The following MLLT10 variants were observed in gnomAD, a reference collection of about 807,000 sequenced individuals.
MLLT10 encodes the protein MLLT10 histone lysine methyltransferase DOT1L cofactor.
Under a neutral mutation model 129.1 loss-of-function variants are expected in MLLT10, and 30 were observed. That is an observed-to-expected ratio of 0.23 (90% CI 0.17 to 0.32). The LOEUF is 0.32. MLLT10 is among the 10% of genes least tolerant of loss of function. The pLI, the probability that MLLT10 is intolerant of heterozygous loss-of-function variation, is 1.00. For missense variants in MLLT10, 1,119 were observed against 1,268.3 expected, an observed-to-expected ratio of 0.88 and a Z score of 1.79; for synonymous variants, 490 against 446.4, an observed-to-expected ratio of 1.10 and a Z score of -1.23.
intron 3 of MLLT10, chr10:21,557,239 CAGT>C: frequency 4.8e-6 from 5 of 1,044,396 alleles, no homozygotes; most frequent in Non-Finnish European, 6.0e-6. Context: ...AGTTATAACT[CAGT>C]TATTATAAGT....
Position 21,651,684 on chromosome 10 carries a change from G to A in MLLT10, c.711G>A (p.Glu237=), listed in dbSNP as rs1184453990. The change falls in exon 9 of 23, where the codon GAG becomes GAA. Residue 237 remains glutamate (E), a synonymous_variant. Transcript: ENST00000307729. ...HHEKEKKKYK[E]KDKHKQKHKK... ...ATATTCGTTTTTAGAAATATAAAGAGAAGGACAAACACAAACAGAAACACA... is the reference window on the plus strand; with the variant it reads ...ATATTCGTTTTTAGAAATATAAAGAAAAGGACAAACACAAACAGAAACACA... 5.0e-6 allele frequency: 8 copies of A among 1,612,376 alleles called. No individual in the cohort carries two copies. The highest frequency in any genetic ancestry group is 6.8e-6 in the Non-Finnish European group (8 of 1,178,924).
chr10:21,736,380 G>C (rs1272187531), intron 21 of MLLT10, among the ~76,000 whole-genome samples: 1 of 152,190 alleles, frequency 6.6e-6, no homozygotes, highest in Non-Finnish European at 1.5e-5. Flanking sequence ...CATCTCCTGG[G>C]CTCAAGTGAT....
At chr10:21,574,525 G>A (rs963559716) in intron 3 of MLLT10, among the ~76,000 whole-genome samples, 2 of 152,188 alleles carry the variant, frequency 1.3e-5, no homozygotes, top group Non-Finnish European at 2.9e-5. Flanking sequence ...TATTAAGAAA[G>A]TAAAGGAATA....
chr10:21,740,987 G>A (rs2058781036), intron 22 of MLLT10, among the ~76,000 whole-genome samples: 1 of 152,228 alleles, frequency 6.6e-6, no homozygotes, highest in Non-Finnish European at 1.5e-5. Context: ...GGGAGGGACT[G>A]AGGTGGGAGA....
chr10:21,741,975 A>G lies in MLLT10; in HGVS notation c.3199A>G (p.Lys1067Glu). ...SDKTGPVAQE[K>E]S The stretch of plus-strand genomic sequence containing the variant: ...TAAAACTGGGCCTGTAGCTCAAGAG[A>G]AAAGTTGACACCTGAGAAACATCTA... The change falls in exon 23 of 23, where the codon AAA becomes GAA. Residue 1067 changes from lysine (K) to glutamate (E), a missense_variant. Around this residue, in one of 5 missense-constraint regions of MLLT10, gnomAD observed 1,004 missense variants for 1,008.7 expected, o/e 1.00. Coordinates refer to ENST00000307729, the MANE Select transcript of MLLT10 (RefSeq NM_001195626.3). The G allele has an allele frequency of 6.2e-7, 1 of 1,612,312 alleles. No homozygotes were observed. The highest frequency in any genetic ancestry group is 8.5e-7 in the Non-Finnish European group (1 of 1,179,670).
At chr10:21,636,191 G>T (rs1035114960) in intron 8 of MLLT10, among the ~76,000 whole-genome samples, 11 of 152,000 alleles carry the variant, frequency 7.2e-5, no homozygotes, top group Non-Finnish European at 4.4e-5. Context: ...CATGATCATG[G>T]CTCACTGCAG....
In MLLT10 at chr10:21,664,334, AG is replaced by A. The variant is rs1005713437; in HGVS notation, c.796-6110del. Reference sequence around the variant, plus strand: ...TTTGTTTGTTTGTTTTTTTTTTTTGAGGGGGAGATAGAGTCTCCCTCTGTCC... The same window carrying A: ...TTTGTTTGTTTGTTTTTTTTTTTTGAGGGGAGATAGAGTCTCCCTCTGTCC... On this transcript the variant is annotated intron_variant, in intron 9 of 22. Coordinates refer to ENST00000307729, the MANE Select transcript of MLLT10 (RefSeq NM_001195626.3). 2.4e-5 allele frequency among the ~76,000 whole-genome samples: 3 copies of A among 126,476 alleles called. No individual in the cohort carries two copies. The Admixed American group carries it at 2.5e-4, about 11-fold the overall frequency. The allele number at this position is 126,476 out of a possible 152,430, so 83.0% of individuals were successfully genotyped here. A position where few individuals can be genotyped will look rare whatever the true frequency, so the allele number is the denominator to read the frequency against.
intron 8 of MLLT10, among the ~76,000 whole-genome samples, chr10:21,635,321 T>C (rs2047356593): frequency 6.6e-6 from 1 of 152,294 alleles, no homozygotes; most frequent in South Asian, 2.1e-4. Flanking sequence ...CTTTTACACT[T>C]GGTTTTGTTG....
rs377492960 is a variant in MLLT10, at chr10:21,738,637, C to T, written c.2956-1393C>T. On this transcript the variant is annotated intron_variant, in intron 21 of 22. Coordinates refer to ENST00000307729, the MANE Select transcript of MLLT10 (RefSeq NM_001195626.3). The stretch of plus-strand genomic sequence containing the variant: ...GACTCTGCTTCCCCCAGATGACTTG[C>T]ATGTTTGCTAAATCCAGTGGTCCCT... 15 of 899,986 alleles carry T rather than the reference C, an allele frequency of 1.7e-5. No individual in the cohort carries two copies. The African/African-American group carries it at 2.7e-4, about 16-fold the overall frequency. The allele number at this position is 899,986 out of a possible 1,614,324, so 55.8% of individuals were successfully genotyped here.
chr10:21,592,264 G>C (rs1589127369), intron 4 of MLLT10, among the ~76,000 whole-genome samples: 1 of 152,024 alleles, frequency 6.6e-6, no homozygotes, highest in African/African-American at 2.4e-5. Flanking sequence ...TTTTTCTTCA[G>C]TTCTGAGCTT....
intron 10 of MLLT10, among the ~76,000 whole-genome samples, chr10:21,672,168 AGTGTGTGTGTGTGTGTGT>A (rs55769872): frequency 6.7e-5 from 9 of 134,376 alleles, no homozygotes; most frequent in Middle Eastern, 3.8e-3. Flanking sequence ...CCAGGTTTTC[AGTGTGTGTGTGTGTGTGT>A]GTGTGTGTGT....
chr10:21,734,786 A>AAAG (rs1281686801), intron 20 of MLLT10, among the ~76,000 whole-genome samples: 3 of 152,220 alleles, frequency 2.0e-5, no homozygotes. Flanking sequence ...TCTTTGTTTC[A>AAAG]AATATGTGTT....
chr10:21,599,800 T>C (rs2043350132), intron 5 of MLLT10, among the ~76,000 whole-genome samples: 1 of 152,096 alleles, frequency 6.6e-6, no homozygotes, highest in Non-Finnish European at 1.5e-5. Flanking sequence ...ACTCCTGAGC[T>C]CAAGTGATCT....
At chr10:21,717,253 CAAAAAAAA>C (rs747244556) in intron 14 of MLLT10, among the ~76,000 whole-genome samples, 7 of 63,554 alleles carry the variant, frequency 1.1e-4, no homozygotes, top group African/African-American at 3.7e-4. Context: ...AACTCCGTCT[CAAAAAAAA>C]AAAAAAAAAA....
intron 5 of MLLT10, among the ~76,000 whole-genome samples, chr10:21,599,118 C>T (rs1280732708): frequency 6.6e-6 from 1 of 150,592 alleles, no homozygotes; most frequent in Non-Finnish European, 1.5e-5. Context: ...GCGGAGGTTG[C>T]AGTGAGCCGA....
chr10:21,592,008 A>G (rs1008566272), intron 4 of MLLT10, among the ~76,000 whole-genome samples: 1 of 152,210 alleles, frequency 6.6e-6, no homozygotes, highest in Non-Finnish European at 1.5e-5. Flanking sequence ...GGCGTGAGCC[A>G]CTGCACCTGG....
intron 13 of MLLT10, among the ~76,000 whole-genome samples, chr10:21,683,636 A>G (rs1426628381): frequency 6.6e-6 from 1 of 152,198 alleles, no homozygotes; most frequent in African/African-American, 2.4e-5. Flanking sequence ...CCTGTGGGTG[A>G]TTGAGGGAGA....
chr10:21,544,409 A>G (rs2035753829), intron 3 of MLLT10, among the ~76,000 whole-genome samples: 1 of 152,190 alleles, frequency 6.6e-6, no homozygotes, highest in Admixed American at 6.6e-5. Flanking sequence ...AATAGGGTCA[A>G]GTTGCTCAGA....
intron 3 of MLLT10, among the ~76,000 whole-genome samples, chr10:21,561,888 C>T (rs1444317053): frequency 1.3e-5 from 2 of 151,518 alleles, no homozygotes; most frequent in African/African-American, 4.8e-5. Context: ...TCACTGCAAC[C>T]TCTGCCTCCT....
Sources: allele counts gnomAD v4.1 joint callset (sites outside exome capture counted in the v4.1 genomes callset), GRCh38; gene constraint gnomAD v4.1.1; regional missense constraint gnomAD v4.1.1; transcripts MANE v1.5; gene names NCBI Gene and HGNC (gene_info 2026-07-23, HGNC 2026-07-21).